The following MORF4L1 variants were observed in gnomAD, a reference collection of about 807,000 sequenced individuals.
MORF4L1 encodes mortality factor 4-like protein 1.
A neutral mutation model predicts 52.9 loss-of-function variants in MORF4L1; 4 were observed. The observed-to-expected ratio is 0.08, with a 90% CI of 0.04 to 0.17. MORF4L1 has a LOEUF of 0.17. Among genes scored for constraint, MORF4L1 ranks in the 10% least tolerant of loss-of-function variants. The pLI is 1.00. For synonymous variants in MORF4L1, 123 were observed against 134.8 expected, an observed-to-expected ratio of 0.91 and a Z score of 0.61; for missense variants, 214 against 390.4, an observed-to-expected ratio of 0.55 and a Z score of 3.81.
At chr15:78,880,677 A>G in intron 3 of MORF4L1, 98 bp downstream of exon 3, 2 of 847,176 alleles carry the variant, frequency 2.4e-6, no homozygotes, top group Non-Finnish European at 3.7e-6. Flanking sequence ...TGCAGTTTTA[A>G]TGTAATATAG....
intron 4 of MORF4L1, among the ~76,000 whole-genome samples, chr15:78,887,022 A>G (rs543482565): frequency 8.9e-4 from 135 of 152,262 alleles, no homozygotes; most frequent in African/African-American, 3.0e-3. Context: ...AGTGAATTCC[A>G]AAACAAATGG....
chr15:78,875,746 A>G (rs952295627), intron 1 of MORF4L1, among the ~76,000 whole-genome samples: 6 of 151,082 alleles, frequency 4.0e-5, no homozygotes, highest in African/African-American at 1.2e-4. Context: ...AGATCCTGCC[A>G]TCGCACTCCA....
intron 10 of MORF4L1, 51 bp from the exon 11 acceptor site, chr15:78,894,769 T>C: frequency 7.6e-7 from 1 of 1,320,046 alleles, no homozygotes; most frequent in Non-Finnish European, 1.1e-6. Context: ...TACATGGTTG[T>C]AGTGCCCCTG....
intron 5 of MORF4L1, among the ~76,000 whole-genome samples, chr15:78,889,329 G>A (rs775400759): frequency 5.9e-5 from 9 of 152,254 alleles, no homozygotes; most frequent in African/African-American, 1.7e-4. Context: ...GACCAGAAGC[G>A]TTTCAGATTC....
intron 8 of MORF4L1, among the ~76,000 whole-genome samples, chr15:78,893,246 C>G (rs72749235): frequency 0.042 from 6,471 of 152,266 alleles, 202 homozygotes; most frequent in Middle Eastern, 0.092. Flanking sequence ...CTGTGCTGTT[C>G]TGTCTAGTAG....
intron 11 of MORF4L1, among the ~76,000 whole-genome samples, chr15:78,895,872 A>G (rs977031606): frequency 1.4e-4 from 21 of 152,096 alleles, no homozygotes; most frequent in African/African-American, 5.1e-4. Context: ...GGCAAGATTT[A>G]TCATCTTTTC....
chr15:78,888,824 T>A (rs1459491880), intron 5 of MORF4L1, among the ~76,000 whole-genome samples: 1 of 152,220 alleles, frequency 6.6e-6, no homozygotes, highest in African/African-American at 2.4e-5. Context: ...AGAAGATAAT[T>A]GGCAAGGATT....
intron 6 of MORF4L1, chr15:78,891,220 C>T: frequency 2.8e-6 from 2 of 710,178 alleles, no homozygotes; most frequent in South Asian, 1.7e-5. Flanking sequence ...TTTTCATCTG[C>T]TTTAGTCTTA....
chr15:78,885,734 A>G (rs999505872), intron 3 of MORF4L1, among the ~76,000 whole-genome samples: 7 of 152,224 alleles, frequency 4.6e-5, no homozygotes, highest in African/African-American at 1.7e-4. Context: ...ACACAAAGCT[A>G]TATGGAACTT....
chr15:78,887,475 CTCAGGTA>C (rs2056725448), intron 5 of MORF4L1, 126 bp downstream of exon 5: 3 of 762,694 alleles, frequency 3.9e-6, no homozygotes, highest in Middle Eastern at 4.9e-4. Context: ...AATCCCATTC[CTCAGGTA>C]TCAGGTCGTT....
intron 1 of MORF4L1, chr15:78,876,687 T>G (rs528226931): frequency 2.5e-6 from 1 of 400,710 alleles, no homozygotes; most frequent in Non-Finnish European, 5.1e-6. Context: ...CAGTATAGTT[T>G]ACCCATTTTA....
intron 3 of MORF4L1, among the ~76,000 whole-genome samples, chr15:78,884,299 G>A (rs762156976): frequency 2.6e-5 from 4 of 151,960 alleles, no homozygotes; most frequent in Non-Finnish European, 5.9e-5. Context: ...GGATCACGAG[G>A]TCAGGAGTTC....
rs1567314939 is a variant in MORF4L1, at chr15:78,891,200, T to C, written c.349+186T>C. ...CCTCTTTTTGCCAAGGAGAAACTTG[T>C]GAGCATTTATTTTCATCTGCTTTAG... On this transcript the variant is annotated intron_variant, in intron 6 of 11. Transcript: ENST00000426013. The C allele has an allele frequency of 9.1e-6, 7 of 767,538 alleles. No individual in the cohort carries two copies. The East Asian group carries it at 2.0e-4, about 22-fold the overall frequency. The allele number at this position is 767,538 out of a possible 1,614,324, so 47.5% of individuals were successfully genotyped here.
chr15:78,879,511 C>T (rs139664499), intron 2 of MORF4L1, among the ~76,000 whole-genome samples: 400 of 152,216 alleles, frequency 2.6e-3, no homozygotes, highest in Non-Finnish European at 4.6e-3. Flanking sequence ...TGAGCCATTG[C>T]CCCTTGGGAG....
rs765708322 is a variant in MORF4L1 at position 78,898,022 on chromosome 15, A to G, written c.*955A>G. ...AGGGCATTTTCACCTGTGTAAAATT[A>G]TGGTCAGCTTTTTTCTGTCTATAAT... On this transcript the variant is annotated 3_prime_UTR_variant, in exon 12 of 12. Transcript: ENST00000426013. 8 of 152,282 alleles carry G rather than the reference A, an allele frequency of 5.3e-5. No individual in the cohort carries two copies. The highest frequency in any genetic ancestry group is 1.0e-4 in the Non-Finnish European group (7 of 68,032). The allele number at this position is 152,282 out of a possible 1,614,324, so 9.4% of individuals were successfully genotyped here.
At position 78,887,259 on chromosome 15, in the gene MORF4L1, A is replaced by T. The variant is rs1173686849; in HGVS notation, c.243-10A>T. 6.3e-7 allele frequency: 1 copy of T among 1,597,760 alleles called. No homozygotes were observed. Among genetic ancestry groups the T allele is most frequent in the Non-Finnish European group, 8.5e-7 (1 of 1,175,894 alleles). Reference sequence around the variant, plus strand: ...ATTTTATGTTGACATTACTGAAATTATTTTTGAAGGGAGCAGTATGCAGAG... The same window carrying T: ...ATTTTATGTTGACATTACTGAAATTTTTTTTGAAGGGAGCAGTATGCAGAG... On this transcript the variant is annotated splice_polypyrimidine_tract_variant and intron_variant, in intron 4 of 11. Coordinates refer to ENST00000426013, the MANE Select transcript of MORF4L1 (RefSeq NM_006791.4).
intron 4 of MORF4L1, among the ~76,000 whole-genome samples, chr15:78,886,810 C>T (rs956577370): frequency 3.1e-4 from 47 of 152,188 alleles, no homozygotes; most frequent in African/African-American, 1.1e-3. Flanking sequence ...AAAAAATTAG[C>T]CGGGCATGGT....
intron 3 of MORF4L1, among the ~76,000 whole-genome samples, chr15:78,884,205 A>G (rs2056653209): frequency 7.3e-6 from 1 of 137,708 alleles, no homozygotes; most frequent in Admixed American, 7.4e-5. Flanking sequence ...CTCCATCTCA[A>G]AAAAAAAAAC....
intron 5 of MORF4L1, among the ~76,000 whole-genome samples, chr15:78,888,408 A>C (rs761045498): frequency 1.3e-5 from 2 of 152,036 alleles, no homozygotes; most frequent in African/African-American, 2.4e-5. Flanking sequence ...TCAAGGCTGC[A>C]CTTTAGTCTT....
Sources: gnomAD v4.1 joint callset for allele counts (sites outside exome capture counted in the v4.1 genomes callset) on GRCh38, gnomAD v4.1.1 for gene constraint, MANE v1.5 for transcripts, NCBI Gene and HGNC (gene_info 2026-07-23, HGNC 2026-07-21) for gene names.